The following TRIM16 variants were observed in gnomAD, a reference collection of about 807,000 sequenced individuals.
TRIM16 encodes tripartite motif-containing protein 16.
In TRIM16, 33 loss-of-function variants were observed where a neutral mutation model predicts 50.4. That is an observed-to-expected ratio of 0.65 (90% CI 0.50 to 0.88). The LOEUF (loss-of-function observed/expected upper bound fraction) is 0.88. Ranked by LOEUF, TRIM16 falls within the 40% of genes least tolerant of loss-of-function variation. The probability of loss-of-function intolerance (pLI) is 0.00; values close to 1 mark genes in which losing one functional copy is unlikely to be tolerated. For synonymous variants in TRIM16, 229 were observed against 270.7 expected (o/e 0.85, Z 1.51); for missense variants, 581 against 686.8 (o/e 0.85, Z 1.72).
At position 15,651,522 on chromosome 17, in the gene TRIM16, G is replaced by T. The variant is rs555310958; in HGVS notation, c.88C>A (p.Pro30Thr). 29 of 1,613,444 alleles carry T rather than the reference G, an allele frequency of 1.8e-5. No homozygotes were observed. Among genetic ancestry groups the T allele is most frequent in the Non-Finnish European group, 2.4e-5 (28 of 1,179,720 alleles). The change falls in exon 7 of 12, where the codon CCC (proline) becomes ACC (threonine). Residue 30 changes from proline (P) to threonine (T), a missense_variant. Coordinates refer to ENST00000649191, the MANE Select transcript of TRIM16 (RefSeq NM_001348119.1). ...CTGGCTGACCCAGAATCTGGGCTGG[G>T]TGACCCAGAGTCTGGGCTGAGAGGG... ...PAPLSPDSGS[P>T]SPDSGSASPV... is the part of the protein sequence containing the mutation.
intron 1 of TRIM16, 35 bp from the exon 2 acceptor site, chr17:15,683,192 T>G: frequency 7.0e-7 from 1 of 1,427,292 alleles, no homozygotes; most frequent in Non-Finnish European, 9.6e-7. Flanking sequence ...AGTTTTCCCC[T>G]TTTTCATTGT....
Position 15,651,522 on chromosome 17 carries a change from G to A in TRIM16, c.88C>T (p.Pro30Ser), listed in dbSNP as rs555310958. ...CTGGCTGACCCAGAATCTGGGCTGGGTGACCCAGAGTCTGGGCTGAGAGGG... is the reference window on the plus strand; with the variant it reads ...CTGGCTGACCCAGAATCTGGGCTGGATGACCCAGAGTCTGGGCTGAGAGGG... ...PAPLSPDSGS[P>S]SPDSGSASPV... Residue 30 changes from proline to serine, a missense_variant, in exon 7 of 12, where the codon CCC (proline) becomes TCC (serine). Around this residue, in one of 3 missense-constraint regions of TRIM16, gnomAD observed 450 missense variants for 544.3 expected, o/e 0.83. Coordinates refer to ENST00000649191, the MANE Select transcript of TRIM16 (RefSeq NM_001348119.1). 6.2e-7 allele frequency: 1 copy of A among 1,613,562 alleles called. No individual in the cohort carries two copies. Among genetic ancestry groups the A allele is most frequent in the African/African-American group, 1.3e-5 (1 of 75,042 alleles).
At chr17:15,673,305 T>C (rs988126689) in intron 6 of TRIM16, among the ~76,000 whole-genome samples, 1 of 152,278 alleles carries the variant, frequency 6.6e-6, no homozygotes, top group Non-Finnish European at 1.5e-5. Context: ...TTATTCAGAG[T>C]GGTCTGTCTC....
At chr17:15,664,088 C>T (rs1281636449) in intron 6 of TRIM16, among the ~76,000 whole-genome samples, 1 of 152,142 alleles carries the variant, frequency 6.6e-6, no homozygotes, top group Admixed American at 6.5e-5. Context: ...GATGTGGCAG[C>T]GGTTGTATGG....
chr17:15,635,275 T>C (rs1986675573), intron 9 of TRIM16, among the ~76,000 whole-genome samples: 1 of 148,132 alleles, frequency 6.8e-6, no homozygotes, highest in African/African-American at 2.5e-5. Context: ...TGAAGAGCTG[T>C]TAACAGAGCT....
intron 6 of TRIM16, among the ~76,000 whole-genome samples, chr17:15,663,571 G>A (rs1988342047): frequency 6.6e-6 from 1 of 152,198 alleles, no homozygotes; most frequent in African/African-American, 2.4e-5. Flanking sequence ...CAGTGACACT[G>A]TTGAGCTGTT....
At chr17:15,654,815 G>C (rs750736325) in intron 6 of TRIM16, among the ~76,000 whole-genome samples, 9 of 151,614 alleles carry the variant, frequency 5.9e-5, no homozygotes, top group Non-Finnish European at 1.0e-4. Context: ...CTATTTGTTC[G>C]GGCTCAGTCT....
chr17:15,654,649 A>G (rs1366120621), intron 6 of TRIM16, among the ~76,000 whole-genome samples: 1 of 152,242 alleles, frequency 6.6e-6, no homozygotes, highest in Non-Finnish European at 1.5e-5. Flanking sequence ...CTAGGCAGAT[A>G]AACTCAAGTT....
intron 6 of TRIM16, among the ~76,000 whole-genome samples, chr17:15,657,464 T>C (rs757867464): frequency 1.3e-5 from 2 of 152,128 alleles, no homozygotes; most frequent in Non-Finnish European, 2.9e-5. Flanking sequence ...TGTTGTGCAG[T>C]TGTCACCACC....
In TRIM16 at chr17:15,651,678, G is replaced by C. The variant is rs1483043702; in HGVS notation, c.-69C>G. On this transcript the variant is annotated 5_prime_UTR_variant, in exon 7 of 12. Transcript: ENST00000649191. ...CCCAGGATCTGTGCAGCCCAAGTCAGACAAGAGAACCACGCCTAGATGATT... is the reference window on the plus strand; with the variant it reads ...CCCAGGATCTGTGCAGCCCAAGTCACACAAGAGAACCACGCCTAGATGATT... 9 of 1,564,918 alleles carry C rather than the reference G, an allele frequency of 5.8e-6. No homozygotes were observed. Among genetic ancestry groups the C allele is most frequent in the Non-Finnish European group, 7.8e-6 (9 of 1,157,496 alleles).
intron 6 of TRIM16, among the ~76,000 whole-genome samples, chr17:15,668,289 A>G (rs540484989): frequency 1.3e-5 from 2 of 152,130 alleles, no homozygotes; most frequent in South Asian, 2.1e-4. Context: ...TGTGCTACCT[A>G]TTGTTCACTG....
chr17:15,628,740 A>T lies in TRIM16; in HGVS notation c.1570T>A (p.Cys524Ser), dbSNP rs1315724006. 3 of 1,614,184 alleles carry T rather than the reference A, an allele frequency of 1.9e-6. No individual in the cohort carries two copies. In the South Asian group the frequency reaches 3.3e-5, roughly 18 times the overall value. ...GCATAGACTGGTTCTGAAAATTTGC[A>T]GGCAAACTTGTGAACCAGAGTCATG... ...DTMTLVHKFACKFSEPVYAAF... is the reference protein window; with the variant it reads ...DTMTLVHKFASKFSEPVYAAF... Residue 524 changes from cysteine (C) to serine (S), a missense_variant, in exon 12 of 12, where the codon TGC becomes AGC. Transcript: ENST00000649191.
At chr17:15,664,373 G>T (rs1988382246) in intron 6 of TRIM16, among the ~76,000 whole-genome samples, 1 of 152,178 alleles carries the variant, frequency 6.6e-6, no homozygotes, top group Non-Finnish European at 1.5e-5. Flanking sequence ...CACAGAAGAC[G>T]GGGACAGTAA....
intron 6 of TRIM16, among the ~76,000 whole-genome samples, chr17:15,668,648 CT>C (rs1988603067): frequency 6.8e-6 from 1 of 147,178 alleles, no homozygotes; most frequent in East Asian, 1.9e-4. Flanking sequence ...TGAAAACACA[CT>C]TTTGCACATG....
chr17:15,681,602 A>C (rs1334071079), intron 3 of TRIM16, among the ~76,000 whole-genome samples: 1 of 152,194 alleles, frequency 6.6e-6, no homozygotes, highest in African/African-American at 2.4e-5. Context: ...CCTTGGTCTG[A>C]ATTCTATGCC....
At chr17:15,644,376 CAG>C (rs1469744559) in intron 7 of TRIM16, among the ~76,000 whole-genome samples, 53 of 152,320 alleles carry the variant, frequency 3.5e-4, no homozygotes, top group African/African-American at 1.3e-3. Context: ...TTAGTAGAGA[CAG>C]GGTTTCACCA....
At chr17:15,661,045 G>A (rs1251616931) in intron 6 of TRIM16, among the ~76,000 whole-genome samples, 1 of 152,158 alleles carries the variant, frequency 6.6e-6, no homozygotes, top group Non-Finnish European at 1.5e-5. Context: ...ATGTTATGGA[G>A]GGCTCCCAAT....
At chr17:15,671,783 A>G (rs1988740466) in intron 6 of TRIM16, among the ~76,000 whole-genome samples, 1 of 152,170 alleles carries the variant, frequency 6.6e-6, no homozygotes, top group Non-Finnish European at 1.5e-5. Flanking sequence ...GTCATGTTTC[A>G]TAGGCATATG....
chr17:15,655,240 A>ATC (rs1278524784), intron 6 of TRIM16, among the ~76,000 whole-genome samples: 1 of 152,084 alleles, frequency 6.6e-6, no homozygotes, highest in East Asian at 1.9e-4. Context: ...AGGGCCTCTG[A>ATC]TCTCTCTGAG....
Sources: allele counts gnomAD v4.1 joint callset (sites outside exome capture counted in the v4.1 genomes callset), GRCh38; gene constraint gnomAD v4.1.1; regional missense constraint gnomAD v4.1.1; transcripts MANE v1.5; gene names NCBI Gene and HGNC (gene_info 2026-07-23, HGNC 2026-07-21).